Variants in ATG10 observed in about 807,000 individuals in gnomAD.
The protein encoded by ATG10 is autophagy related 10, also known as ubiquitin-like-conjugating enzyme ATG10.
A neutral mutation model predicts 32.1 loss-of-function variants in ATG10; 30 were observed. That is an observed-to-expected ratio of 0.94 (90% CI 0.70 to 1.27). ATG10 has a LOEUF of 1.27. ATG10 is among the 50% of genes most tolerant of loss of function. ATG10 has a pLI of 0.00. For missense variants in ATG10, 233 were observed against 262.3 expected (o/e 0.89, Z 0.77); for synonymous variants, 87 against 91.5 (o/e 0.95, Z 0.28).
chr5:82,040,002 G>C (rs1319068477), intron 2 of ATG10, among the ~76,000 whole-genome samples: 1 of 152,150 alleles, frequency 6.6e-6, no homozygotes, highest in African/African-American at 2.4e-5. Context: ...GATCTTATGG[G>C]GTCGTGGGGC....
At chr5:82,006,526 A>G (rs1426709767) in intron 2 of ATG10, among the ~76,000 whole-genome samples, 2 of 152,146 alleles carry the variant, frequency 1.3e-5, no homozygotes, top group East Asian at 3.8e-4. Context: ...TATGTATTCA[A>G]ATTATAGGCT....
chr5:82,087,511 A>G (rs1764732452), intron 3 of ATG10, among the ~76,000 whole-genome samples: 1 of 152,024 alleles, frequency 6.6e-6, no homozygotes, highest in Non-Finnish European at 1.5e-5. Context: ...CTCATTTTCT[A>G]CTTTTCTGAC....
At chr5:82,144,743 T>G (rs1767279510) in intron 3 of ATG10, among the ~76,000 whole-genome samples, 1 of 152,060 alleles carries the variant, frequency 6.6e-6, no homozygotes, top group Admixed American at 6.5e-5. Flanking sequence ...CTATCATGGT[T>G]AATGTACTGT....
intron 2 of ATG10, among the ~76,000 whole-genome samples, chr5:82,055,674 G>A (rs955529352): frequency 2.0e-5 from 3 of 152,064 alleles, no homozygotes; most frequent in Admixed American, 6.6e-5. Context: ...TATCTCTATG[G>A]CTAGATCATT....
chr5:82,017,208 T>C (rs1176651598), intron 2 of ATG10, among the ~76,000 whole-genome samples: 1 of 152,080 alleles, frequency 6.6e-6, no homozygotes, highest in East Asian at 1.9e-4. Flanking sequence ...GATTTGATTC[T>C]CAGCTTGGCT....
intron 2 of ATG10, chr5:82,010,029 A>G (rs1762086117): frequency 6.2e-7 from 1 of 1,610,388 alleles, no homozygotes; most frequent in African/African-American, 1.3e-5. Flanking sequence ...TAACAGCTCA[A>G]AGGAGACGCG....
At chr5:82,198,692 C>T (rs1744952015) in intron 5 of ATG10, among the ~76,000 whole-genome samples, 1 of 152,238 alleles carries the variant, frequency 6.6e-6, no homozygotes, top group Admixed American at 6.5e-5. Context: ...ATTCTAAGGA[C>T]AGGCCACTGT....
intron 5 of ATG10, among the ~76,000 whole-genome samples, chr5:82,248,723 C>A (rs1368374141): frequency 6.6e-6 from 1 of 152,024 alleles, no homozygotes; most frequent in African/African-American, 2.4e-5. Flanking sequence ...TTATAAAATT[C>A]TTCTAAAAGA....
chr5:82,037,249 T>C (rs1243368589), intron 2 of ATG10, among the ~76,000 whole-genome samples: 1 of 67,800 alleles, frequency 1.5e-5, no homozygotes. Flanking sequence ...TTTTTTTTTT[T>C]TTTTTTTTTT....
chr5:82,063,148 A>G (rs886444401), intron 3 of ATG10, among the ~76,000 whole-genome samples: 12 of 152,062 alleles, frequency 7.9e-5, no homozygotes, highest in African/African-American at 2.7e-4. Flanking sequence ...GTGAGACTCC[A>G]TCACTACAAA....
chr5:82,189,688 A>G (rs961955623), intron 5 of ATG10, among the ~76,000 whole-genome samples: 1 of 152,128 alleles, frequency 6.6e-6, no homozygotes, highest in African/African-American at 2.4e-5. Context: ...CAGTGGCACA[A>G]TCTCGGCTGA....
chr5:81,982,058 C>T (rs756711646), intron 1 of ATG10, among the ~76,000 whole-genome samples: 5 of 152,208 alleles, frequency 3.3e-5, no homozygotes, highest in Non-Finnish European at 5.9e-5. Flanking sequence ...TCTTTAGTCT[C>T]TGCTAAAGCA....
intron 3 of ATG10, 82 bp downstream of exon 3, chr5:82,058,684 A>G (rs1285865456): frequency 1.2e-6 from 1 of 835,600 alleles, no homozygotes; most frequent in African/African-American, 1.7e-5. Flanking sequence ...ACTCCATCGC[A>G]TTCCATCCTA....
intron 3 of ATG10, among the ~76,000 whole-genome samples, chr5:82,106,404 A>G (rs1765446412): frequency 6.6e-6 from 1 of 152,104 alleles, no homozygotes; most frequent in African/African-American, 2.4e-5. Flanking sequence ...GAGGTTGGGC[A>G]ATAGAGCCCT....
chr5:82,193,751 A>T (rs1307446678), intron 5 of ATG10, among the ~76,000 whole-genome samples: 2 of 152,250 alleles, frequency 1.3e-5, no homozygotes, highest in Non-Finnish European at 2.9e-5. Context: ...GTAGAAATAA[A>T]CAGCAAAATC....
intron 3 of ATG10, among the ~76,000 whole-genome samples, chr5:82,133,768 CT>C (rs1766631767): frequency 6.6e-6 from 1 of 151,970 alleles, no homozygotes; most frequent in Admixed American, 6.6e-5. Context: ...AAGAAAGTCA[CT>C]GGTAGCTTGA....
At chr5:82,141,919 A>G (rs1310194494) in intron 3 of ATG10, among the ~76,000 whole-genome samples, 1 of 152,006 alleles carries the variant, frequency 6.6e-6, no homozygotes, top group Admixed American at 6.5e-5. Context: ...TGTATATAGC[A>G]CTGGTTCTAC....
chr5:82,128,220 G>A (rs1158142337), intron 3 of ATG10, among the ~76,000 whole-genome samples: 3 of 124,400 alleles, frequency 2.4e-5, no homozygotes, highest in Non-Finnish European at 5.2e-5. Context: ...ACAGCACACC[G>A]ATGGGTCTTG....
intron 2 of ATG10, among the ~76,000 whole-genome samples, chr5:82,000,213 A>C (rs1374535925): frequency 6.6e-6 from 1 of 152,246 alleles, no homozygotes; most frequent in Non-Finnish European, 1.5e-5. Flanking sequence ...AAAAAAACCC[A>C]AAACCACATG....
Sources: allele counts gnomAD v4.1 joint callset (sites outside exome capture counted in the v4.1 genomes callset), GRCh38; gene constraint gnomAD v4.1.1; transcripts MANE v1.5; gene names NCBI Gene and HGNC (gene_info 2026-07-23, HGNC 2026-07-21).